The following SNX29 variants were observed in gnomAD, a reference collection of about 807,000 sequenced individuals.
The protein encoded by SNX29 is sorting nexin-29.
Under a neutral mutation model 102.1 loss-of-function variants are expected in SNX29, and 78 were observed. That is an observed-to-expected ratio of 0.76 (90% CI 0.64 to 0.92). The LOEUF is 0.92. Among genes scored for constraint, SNX29 ranks in the 40% least tolerant of loss-of-function variants. SNX29 has a pLI of 0.00. For synonymous variants in SNX29, 580 were observed against 414.5 expected (o/e 1.40, Z -4.85); for missense variants, 1,280 against 1,061.7 (o/e 1.21, Z -2.86).
At chr16:12,132,804 T>C (rs2054516545) in intron 13 of SNX29, among the ~76,000 whole-genome samples, 1 of 152,248 alleles carries the variant, frequency 6.6e-6, no homozygotes. Flanking sequence ...AACAGATATC[T>C]GTAAAACAGA....
intron 18 of SNX29, among the ~76,000 whole-genome samples, chr16:12,458,172 C>A (rs1320287948): frequency 6.6e-6 from 1 of 152,230 alleles, no homozygotes; most frequent in Non-Finnish European, 1.5e-5. Context: ...GTGGAGAAAC[C>A]TCAGGCCCAT....
intron 16 of SNX29, among the ~76,000 whole-genome samples, chr16:12,372,151 CAT>C (rs1228276156): frequency 6.6e-6 from 1 of 152,212 alleles, no homozygotes; most frequent in Non-Finnish European, 1.5e-5. Context: ...TACACACACA[CAT>C]GCCTAACGCA....
intron 20 of SNX29, among the ~76,000 whole-genome samples, chr16:12,554,937 C>T (rs535164565): frequency 2.7e-4 from 41 of 150,974 alleles, no homozygotes; most frequent in South Asian, 8.3e-4. Flanking sequence ...GCAGCAAGCA[C>T]GGCCTCTGGA....
chr16:12,443,942 G>C (rs1289218008), intron 18 of SNX29, among the ~76,000 whole-genome samples: 5 of 152,092 alleles, frequency 3.3e-5, no homozygotes, highest in African/African-American at 1.2e-4. Context: ...TAAGCACTCA[G>C]TATAGCATCT....
Position 12,205,325 on chromosome 16 carries a change from C to T in SNX29, c.1678+5642C>T, listed in dbSNP as rs547587679. On this transcript the variant is annotated intron_variant, in intron 14 of 20. Transcript: ENST00000566228. Reference sequence around the variant, plus strand: ...AGGAATAACAATCCACCAAAGCTGGCTCTGTGTGTGTATGTGTCCCAAGTG... The same window carrying T: ...AGGAATAACAATCCACCAAAGCTGGTTCTGTGTGTGTATGTGTCCCAAGTG... Among the ~76,000 whole-genome samples, 5 of 152,318 alleles carry T rather than the reference C, an allele frequency of 3.3e-5. No homozygotes were observed. The South Asian group carries it at 1.0e-3, about 32-fold the overall frequency.
chr16:12,174,603 C>T (rs548652320), intron 13 of SNX29, among the ~76,000 whole-genome samples: 1 of 152,320 alleles, frequency 6.6e-6, no homozygotes, highest in South Asian at 2.1e-4. Context: ...GACAGACAAA[C>T]CAACCTCTTG....
chr16:12,529,787 G>A (rs1475669040), intron 20 of SNX29, among the ~76,000 whole-genome samples: 10 of 152,142 alleles, frequency 6.6e-5, no homozygotes, highest in Admixed American at 6.6e-4. Context: ...TTAGCTCAGC[G>A]ATGCCACACC....
chr16:12,192,666 C>T (rs148318918), intron 13 of SNX29, among the ~76,000 whole-genome samples: 73 of 151,216 alleles, frequency 4.8e-4, no homozygotes, highest in Middle Eastern at 6.9e-3. Flanking sequence ...CACATGTCAC[C>T]GTGTCCAGCT....
chr16:12,099,766 C>T (rs1167049962), intron 11 of SNX29, among the ~76,000 whole-genome samples: 1 of 152,184 alleles, frequency 6.6e-6, no homozygotes, highest in Non-Finnish European at 1.5e-5. Context: ...AGCAGAATGC[C>T]TATTGTGCCT....
At chr16:12,464,665 G>T (rs1233273620) in intron 18 of SNX29, among the ~76,000 whole-genome samples, 1 of 152,026 alleles carries the variant, frequency 6.6e-6, no homozygotes, top group African/African-American at 2.4e-5. Context: ...GTGTTGCCCA[G>T]GTTGGTCTTG....
intron 13 of SNX29, among the ~76,000 whole-genome samples, chr16:12,143,642 G>C (rs543099773): frequency 6.6e-6 from 1 of 152,278 alleles, no homozygotes; most frequent in African/African-American, 2.4e-5. Flanking sequence ...TGAATACCCT[G>C]CGTAAGTACT....
intron 13 of SNX29, among the ~76,000 whole-genome samples, chr16:12,187,701 A>G (rs2076545432): frequency 6.6e-6 from 1 of 151,724 alleles, no homozygotes; most frequent in African/African-American, 2.4e-5. Flanking sequence ...GAAGGTGTTT[A>G]TTTGGGTTGC....
intron 15 of SNX29, among the ~76,000 whole-genome samples, chr16:12,333,306 C>T (rs1039952676): frequency 2.6e-5 from 4 of 151,786 alleles, no homozygotes; most frequent in Admixed American, 1.3e-4. Flanking sequence ...GGGATTTCAC[C>T]ATATTGGTCA....
Position 12,568,508 on chromosome 16 carries a change from A to G in SNX29, c.2321A>G (p.Asp774Gly), listed in dbSNP as rs1385010356. 2 of 1,609,852 alleles carry G rather than the reference A, an allele frequency of 1.2e-6. No homozygotes were observed. The highest frequency in any genetic ancestry group is 8.5e-7 in the Non-Finnish European group (1 of 1,179,824). Residue 774 changes from aspartate to glycine, a missense_variant and splice_region_variant, in exon 21 of 21, where the codon GAC becomes GGC. By Grantham distance (94) the Asp-to-Gly change is moderately conservative (BLOSUM62 -1). Coordinates refer to ENST00000566228, the MANE Select transcript of SNX29 (RefSeq NM_032167.5). Reference sequence around the variant, plus strand: ...CGATTCTCTCCCTGCTCTTTCAGCGACATCACCCCGCCCGGAGAGCCTGTG... The same window carrying G: ...CGATTCTCTCCCTGCTCTTTCAGCGGCATCACCCCGCCCGGAGAGCCTGTG... ...TLIQLMPFFVDITPPGEPVNS... is the reference protein window; with the variant it reads ...TLIQLMPFFVGITPPGEPVNS...
intron 15 of SNX29, among the ~76,000 whole-genome samples, chr16:12,286,507 G>T (rs1005889435): frequency 2.6e-5 from 4 of 151,926 alleles, no homozygotes; most frequent in Middle Eastern, 3.4e-3. Flanking sequence ...ACCATGTGAG[G>T]TTAATTTTTT....
At position 12,570,883 on chromosome 16, in the gene SNX29, G is replaced by T. The variant is rs753024013; in HGVS notation, c.*2254G>T. 4 of 231,308 alleles carry T rather than the reference G, an allele frequency of 1.7e-5. No homozygotes were observed. The highest frequency in any genetic ancestry group is 6.7e-5 in the African/African-American group (3 of 45,070). The allele number at this position is 231,308 out of a possible 1,614,324, so 14.3% of individuals were successfully genotyped here. ...AACTGCCTCCTACTTTTATAATACT[G>T]AATTATTCACAAAAAACCTGGTCTG... On this transcript the variant is annotated 3_prime_UTR_variant, in exon 21 of 21. Transcript: ENST00000566228.
chr16:12,441,533 GTC>G (rs1439579783), intron 18 of SNX29, among the ~76,000 whole-genome samples: 2 of 152,104 alleles, frequency 1.3e-5, no homozygotes, highest in Non-Finnish European at 2.9e-5. Context: ...TCCTATACTA[GTC>G]TCTGTGTGAA....
At chr16:12,539,751 CATGGTCTTAATTTGCATTTTCCTA>C (rs2077240150) in intron 20 of SNX29, among the ~76,000 whole-genome samples, 2 of 152,190 alleles carry the variant, frequency 1.3e-5, no homozygotes. Flanking sequence ...AATATTTCAT[CATGGTCTTAATTTGCATTTTCCTA>C]ATGAGTAATG....
At chr16:12,536,891 G>A (rs187065331) in intron 20 of SNX29, among the ~76,000 whole-genome samples, 5 of 152,112 alleles carry the variant, frequency 3.3e-5, no homozygotes, top group Admixed American at 6.6e-5. Context: ...CAAGATAATC[G>A]CTTGAGCCCG....
Sources: gnomAD v4.1 joint callset for allele counts (sites outside exome capture counted in the v4.1 genomes callset) on GRCh38, gnomAD v4.1.1 for gene constraint, MANE v1.5 for transcripts, NCBI Gene and HGNC (gene_info 2026-07-23, HGNC 2026-07-21) for gene names.